Variants in FBXO15 observed in about 807,000 individuals in gnomAD.
The protein encoded by FBXO15 is F-box only protein 15.
FBXO15 carries 30 observed loss-of-function variants against 49.5 expected under a neutral mutation model. The ratio of observed to expected loss-of-function variants is 0.61; its 90% CI spans 0.45 to 0.82. The LOEUF (loss-of-function observed/expected upper bound fraction) is 0.82. Among genes scored for constraint, FBXO15 ranks in the 40% least tolerant of loss-of-function variants. The pLI, the probability that FBXO15 is intolerant of heterozygous loss-of-function variation, is 0.00. For missense variants in FBXO15, 591 were observed against 631.5 expected (o/e 0.94, Z 0.69); for synonymous variants, 250 against 232.7 (o/e 1.07, Z -0.68).
chr18:74,089,219 T>A (rs187485081), intron 8 of FBXO15, among the ~76,000 whole-genome samples: 60 of 152,290 alleles, frequency 3.9e-4, no homozygotes, highest in African/African-American at 1.4e-3. Context: ...GTGAATGTGT[T>A]CTTGATTTGG....
At chr18:74,109,193 AAAG>A (rs1452660030) in intron 8 of FBXO15, among the ~76,000 whole-genome samples, 1 of 152,236 alleles carries the variant, frequency 6.6e-6, no homozygotes, top group Non-Finnish European at 1.5e-5. Context: ...ACACTTCTCA[AAAG>A]AAGACATTTA....
chr18:74,091,891 G>A (rs985270015), intron 8 of FBXO15, among the ~76,000 whole-genome samples: 1 of 152,148 alleles, frequency 6.6e-6, no homozygotes, highest in Non-Finnish European at 1.5e-5. Flanking sequence ...TGTTTCACAA[G>A]GGTTCTCTGC....
chr18:74,132,487 CAACT>C (rs1236667443), intron 3 of FBXO15, among the ~76,000 whole-genome samples: 1 of 152,190 alleles, frequency 6.6e-6, no homozygotes, highest in Non-Finnish European at 1.5e-5. Context: ...ACCATAACCA[CAACT>C]AACATTCGTA....
chr18:74,119,071 A>G lies in FBXO15; in HGVS notation c.1138+4297T>C, dbSNP rs527510377. Among the ~76,000 whole-genome samples the G allele has an allele frequency of 1.1e-3, 163 of 152,302 alleles. No individual in the cohort carries two copies. In the Middle Eastern group the frequency reaches 0.014, roughly 13 times the overall value. ...AGGCCCTGGGAGGCGGGATGAGGGCAGGGCTTCCCACTCCTGGTGGAGAGG... is the reference window on the plus strand; with the variant it reads ...AGGCCCTGGGAGGCGGGATGAGGGCGGGGCTTCCCACTCCTGGTGGAGAGG... On this transcript the variant is annotated intron_variant, in intron 8 of 9. Coordinates refer to ENST00000419743, the MANE Select transcript of FBXO15 (RefSeq NM_001142958.2).
Position 74,125,994 on chromosome 18 carries a change from A to G in FBXO15, c.893T>C (p.Leu298Pro). ...TCTTACCTTCCACACTCCCACCAGG[A>G]GGCCAGGGTGCAGGCAGAAGATCCG... is the stretch of plus-strand genomic sequence containing the variant. ...LIRIFCLHPG[L>P]LVGVWKKEEE... Residue 298 changes from leucine (L) to proline (P), a missense_variant, in exon 6 of 10, where the codon CTC becomes CCC. Transcript: ENST00000419743. The G allele has an allele frequency of 6.2e-7, 1 of 1,614,126 alleles. No homozygotes were observed. Among genetic ancestry groups the G allele is most frequent in the Non-Finnish European group, 8.5e-7 (1 of 1,179,980 alleles).
rs1978973357 is a variant in FBXO15 at position 74,140,111 on chromosome 18, A to C, written c.227+91T>G. 19 of 1,079,580 alleles carry C rather than the reference A, an allele frequency of 1.8e-5. No individual in the cohort carries two copies. The South Asian group carries it at 3.2e-4, about 18-fold the overall frequency. 66.9% of individuals were successfully genotyped at this position (1,079,580 alleles called of 1,614,324 possible). A position where few individuals can be genotyped will look rare whatever the true frequency, so the allele number is the denominator to read the frequency against. On this transcript the variant is annotated intron_variant, in intron 2 of 9. Coordinates refer to ENST00000419743, the MANE Select transcript of FBXO15 (RefSeq NM_001142958.2). Reference sequence around the variant, plus strand: ...CAATCCTATTCTTAGCAAGCTCAAAATAGCAACTTGGTATATACAGCATCA... The same window carrying C: ...CAATCCTATTCTTAGCAAGCTCAAACTAGCAACTTGGTATATACAGCATCA...
In FBXO15 at chr18:74,123,490, T is replaced by C; in HGVS notation, c.1016A>G (p.His339Arg). ...GGGGCTATCATCCAAAAAGGGGCTATGTGGAGGCAGTTCATAGGGGCTGAA... is the reference window on the plus strand; with the variant it reads ...GGGGCTATCATCCAAAAAGGGGCTACGTGGAGGCAGTTCATAGGGGCTGAA... ...SATIPYELPP[H>R]SPFLDDSPEY... Residue 339 changes from histidine to arginine, a missense_variant, in exon 8 of 10, where the codon CAT (histidine) becomes CGT (arginine). His to Arg is a conservative substitution (Grantham distance 29). Coordinates refer to ENST00000419743, the MANE Select transcript of FBXO15 (RefSeq NM_001142958.2). 4 of 1,611,964 alleles carry C rather than the reference T, an allele frequency of 2.5e-6. No individual in the cohort carries two copies. The highest frequency in any genetic ancestry group is 2.7e-5 in the African/African-American group (2 of 74,884).
At chr18:74,079,121 A>C (rs1912381822) in intron 9 of FBXO15, among the ~76,000 whole-genome samples, 1 of 152,250 alleles carries the variant, frequency 6.6e-6, no homozygotes, top group South Asian at 2.1e-4. Context: ...ATAGATTTAG[A>C]AGTAACATTA....
At position 74,101,381 on chromosome 18, in the gene FBXO15, C is replaced by T. The variant is rs539252110; in HGVS notation, c.1139-19330G>A. On this transcript the variant is annotated intron_variant, in intron 8 of 9. Coordinates refer to ENST00000419743, the MANE Select transcript of FBXO15 (RefSeq NM_001142958.2). ...ATGGCTTTATGATTAGAGCTCTCAG[C>T]AAAATTGGCATACAAAGCACATACC... 4.6e-5 allele frequency among the ~76,000 whole-genome samples: 7 copies of T among 151,918 alleles called. No individual in the cohort carries two copies. In the East Asian group the frequency reaches 1.4e-3, roughly 29 times the overall value.
At chr18:74,081,819 T>C (rs1162520469) in intron 9 of FBXO15, 108 bp downstream of exon 9, 2 of 816,998 alleles carry the variant, frequency 2.4e-6, no homozygotes, top group Admixed American at 3.6e-5. Flanking sequence ...TCCAGAACTA[T>C]AAAAGAAACA....
chr18:74,110,101 A>T (rs1913946953), intron 8 of FBXO15, among the ~76,000 whole-genome samples: 1 of 150,968 alleles, frequency 6.6e-6, no homozygotes, highest in Non-Finnish European at 1.5e-5. Flanking sequence ...TTGACCTAAC[A>T]GATAACAGTT....
At chr18:74,077,088 C>T (rs573806418) in intron 9 of FBXO15, among the ~76,000 whole-genome samples, 48 of 152,326 alleles carry the variant, frequency 3.2e-4, no homozygotes, top group Admixed American at 4.6e-4. Context: ...TGACTCGGCC[C>T]GGCCAGTGCA....
chr18:74,109,174 T>C (rs2145160549), intron 8 of FBXO15, among the ~76,000 whole-genome samples: 1 of 152,250 alleles, frequency 6.6e-6, no homozygotes, highest in South Asian at 2.1e-4. Flanking sequence ...GGGTGAAGGA[T>C]ATGAACAGAC....
At position 74,078,336 on chromosome 18, in the gene FBXO15, C is replaced by G. The variant is rs554536808; in HGVS notation, c.1263+3591G>C. ...TTTCCTGAGGGTTTCAAGGCCCCCC[C>G]CCGACCTGCCCCAGCAGCCTTTCCA... On this transcript the variant is annotated intron_variant, in intron 9 of 9. Transcript: ENST00000419743. Among the ~76,000 whole-genome samples, 262 of 149,300 alleles carry G rather than the reference C, an allele frequency of 1.8e-3. 1 individual carries two copies. Among genetic ancestry groups the G allele is most frequent in the Non-Finnish European group, 2.3e-3 (152 of 67,338 alleles).
At chr18:74,095,193 A>G (rs1337604806) in intron 8 of FBXO15, among the ~76,000 whole-genome samples, 1 of 152,256 alleles carries the variant, frequency 6.6e-6, no homozygotes, top group Admixed American at 6.5e-5. Flanking sequence ...CATATCAGCC[A>G]TAAGGCTGTT....
intron 9 of FBXO15, chr18:74,076,488 C>A (rs2145094593): frequency 6.6e-6 from 1 of 152,484 alleles, no homozygotes; most frequent in Non-Finnish European, 1.5e-5. Flanking sequence ...CACCAGACAC[C>A]CATCTGCTGG....
chr18:74,096,969 TGAAGGTCTAGATCACGGGA>T (rs1391264759), intron 8 of FBXO15: 7 of 152,158 alleles, frequency 4.6e-5, no homozygotes, highest in African/African-American at 1.7e-4. Context: ...TTGGAGAACT[TGAAGGTCTAGATCACGGGA>T]GAAGGTCTAG....
chr18:74,076,022 T>G (rs1412235600), intron 9 of FBXO15, among the ~76,000 whole-genome samples: 1 of 152,206 alleles, frequency 6.6e-6, no homozygotes, highest in Non-Finnish European at 1.5e-5. Flanking sequence ...AGCAGGACTA[T>G]GCCCAAACTC....
chr18:74,118,942 T>C (rs1000928352), intron 8 of FBXO15, among the ~76,000 whole-genome samples: 12 of 152,176 alleles, frequency 7.9e-5, no homozygotes. Context: ...CTCTGGGTTG[T>C]AAGAGAAAAG....
Sources: allele counts gnomAD v4.1 joint callset (sites outside exome capture counted in the v4.1 genomes callset), GRCh38; gene constraint gnomAD v4.1.1; transcripts MANE v1.5; gene names NCBI Gene and HGNC (gene_info 2026-07-23, HGNC 2026-07-21).